Variants in COMMD10 observed in about 807,000 individuals in gnomAD.
COMMD10 encodes COMM domain-containing protein 10.
A neutral mutation model predicts 28.9 loss-of-function variants in COMMD10; 33 were observed. The ratio of observed to expected loss-of-function variants is 1.14; its 90% confidence interval spans 0.87 to 1.53. The LOEUF (loss-of-function observed/expected upper bound fraction) is 1.53, where lower values mean the gene tolerates loss of function less well. Among genes scored for constraint, COMMD10 ranks in the 40% most tolerant of loss-of-function variants. The probability of loss-of-function intolerance (pLI) is 0.00; values close to 1 mark genes in which losing one functional copy is unlikely to be tolerated. For missense variants in COMMD10, 310 were observed against 233.4 expected (o/e 1.33, Z -2.14); for synonymous variants, 110 against 81.7 (o/e 1.35, Z -1.87).
chr5:116,103,572 A>G (rs1400256726), intron 4 of COMMD10, among the ~76,000 whole-genome samples: 1 of 152,064 alleles, frequency 6.6e-6, no homozygotes, highest in Non-Finnish European at 1.5e-5. Context: ...CCTTTGTCAG[A>G]TGGATAGATT....
chr5:116,229,001 AT>A (rs773993666), intron 5 of COMMD10, among the ~76,000 whole-genome samples: 3 of 152,034 alleles, frequency 2.0e-5, no homozygotes, highest in Non-Finnish European at 4.4e-5. Context: ...TAAAATAAAT[AT>A]TTGCCTATAG....
chr5:116,202,664 T>G (rs1316535950), intron 5 of COMMD10, among the ~76,000 whole-genome samples: 24 of 151,978 alleles, frequency 1.6e-4, no homozygotes, highest in African/African-American at 5.1e-4. Flanking sequence ...TCATGTGTCT[T>G]TTGGCTGCAT....
In COMMD10 at chr5:116,292,937, T is replaced by C. The variant is rs188565057; in HGVS notation, c.*448T>C. ...AATAGCCATATACAATCAAATACAC[T>C]ATGGCATTTTTATTTGAATATGATG... On this transcript the variant is annotated 3_prime_UTR_variant, in exon 7 of 7. Transcript: ENST00000274458. 4.5e-5 allele frequency: 18 copies of C among 396,640 alleles called. No individual in the cohort carries two copies. Among genetic ancestry groups the C allele is most frequent in the Middle Eastern group, 6.4e-4 (1 of 1,572 alleles). The allele number at this position is 396,640 out of a possible 1,614,324, so 24.6% of individuals were successfully genotyped here. A position where few individuals can be genotyped will look rare whatever the true frequency, so the allele number is the denominator to read the frequency against.
At chr5:116,291,316 G>A (rs1580366770) in intron 5 of COMMD10, among the ~76,000 whole-genome samples, 1 of 152,176 alleles carries the variant, frequency 6.6e-6, no homozygotes, top group South Asian at 2.1e-4. Flanking sequence ...ACAGATGTCT[G>A]TAGAATTGAA....
At chr5:116,136,042 CCAT>C (rs907342049) in intron 5 of COMMD10, among the ~76,000 whole-genome samples, 3 of 152,136 alleles carry the variant, frequency 2.0e-5, no homozygotes, top group Admixed American at 6.5e-5. Flanking sequence ...CTGGCTACTA[CCAT>C]CATCATCAAT....
At chr5:116,244,515 G>A (rs1034224883) in intron 5 of COMMD10, among the ~76,000 whole-genome samples, 1 of 151,892 alleles carries the variant, frequency 6.6e-6, no homozygotes, top group Non-Finnish European at 1.5e-5. Context: ...GTCATGAGAT[G>A]TTCAAGAGCT....
chr5:116,272,311 A>G (rs1750780967), intron 5 of COMMD10, among the ~76,000 whole-genome samples: 1 of 151,846 alleles, frequency 6.6e-6, no homozygotes, highest in Non-Finnish European at 1.5e-5. Context: ...TGTAAGGGGG[A>G]TGCTTAATGG....
chr5:116,191,487 A>G (rs557837762), intron 5 of COMMD10, among the ~76,000 whole-genome samples: 139 of 151,940 alleles, frequency 9.1e-4, no homozygotes, highest in Admixed American at 1.4e-3. Context: ...TTTGGTTTGC[A>G]TAAGAGCTGG....
intron 5 of COMMD10, among the ~76,000 whole-genome samples, chr5:116,189,543 C>G (rs927454388): frequency 6.6e-6 from 1 of 152,124 alleles, no homozygotes; most frequent in Admixed American, 6.5e-5. Flanking sequence ...TTGTTTCCTA[C>G]TTAACTTAAC....
At chr5:116,159,344 T>G (rs1043223554) in intron 5 of COMMD10, among the ~76,000 whole-genome samples, 1 of 152,226 alleles carries the variant, frequency 6.6e-6, no homozygotes, top group Non-Finnish European at 1.5e-5. Context: ...ATTTGCACTT[T>G]TCATTTCCTC....
intron 5 of COMMD10, among the ~76,000 whole-genome samples, chr5:116,222,924 C>G (rs1013024704): frequency 2.0e-5 from 3 of 152,094 alleles, no homozygotes; most frequent in Non-Finnish European, 4.4e-5. Context: ...AACACCTGAC[C>G]TTGTGATCCA....
At chr5:116,152,948 T>G (rs1216187731) in intron 5 of COMMD10, among the ~76,000 whole-genome samples, 2 of 152,122 alleles carry the variant, frequency 1.3e-5, no homozygotes, top group Non-Finnish European at 2.9e-5. Flanking sequence ...GAGTGGGTAT[T>G]TTGTTTCCAG....
At chr5:116,286,681 G>A (rs943275749) in intron 5 of COMMD10, among the ~76,000 whole-genome samples, 2 of 151,530 alleles carry the variant, frequency 1.3e-5, no homozygotes, top group Non-Finnish European at 2.9e-5. Context: ...AGTTTTCCTT[G>A]TGCTACTGGT....
chr5:116,209,830 AC>A (rs1748913029), intron 5 of COMMD10, among the ~76,000 whole-genome samples: 1 of 152,156 alleles, frequency 6.6e-6, no homozygotes, highest in African/African-American at 2.4e-5. Context: ...CTACTCATTC[AC>A]AAGAATGGTG....
intron 5 of COMMD10, among the ~76,000 whole-genome samples, chr5:116,287,182 C>T (rs1446145241): frequency 6.6e-6 from 1 of 151,576 alleles, no homozygotes; most frequent in African/African-American, 2.4e-5. Context: ...GTTGTTTGTA[C>T]TTTTTCTTAA....
intron 4 of COMMD10, among the ~76,000 whole-genome samples, chr5:116,114,475 T>C (rs1166294834): frequency 6.6e-6 from 1 of 151,572 alleles, no homozygotes; most frequent in Non-Finnish European, 1.5e-5. Flanking sequence ...GAGAGAGTAA[T>C]GGCAGGGTTT....
chr5:116,209,661 G>T (rs1249751383), intron 5 of COMMD10, among the ~76,000 whole-genome samples: 1 of 152,052 alleles, frequency 6.6e-6, no homozygotes, highest in African/African-American at 2.4e-5. Context: ...ATTCAATAGC[G>T]GTTAGTAGCA....
intron 5 of COMMD10, among the ~76,000 whole-genome samples, chr5:116,147,944 TTATTGTCAG>T (rs1198016838): frequency 6.6e-6 from 1 of 151,842 alleles, no homozygotes; most frequent in Non-Finnish European, 1.5e-5. Context: ...ACAACATCTT[TTATTGTCAG>T]TACATGAGCT....
At chr5:116,258,648 T>C (rs1044620523) in intron 5 of COMMD10, among the ~76,000 whole-genome samples, 2 of 151,862 alleles carry the variant, frequency 1.3e-5, no homozygotes, top group East Asian at 1.9e-4. Context: ...TTTTCTGATA[T>C]TGCTAAAAAG....
Sources: allele counts gnomAD v4.1 joint callset (sites outside exome capture counted in the v4.1 genomes callset), GRCh38; gene constraint gnomAD v4.1.1; transcripts MANE v1.5; gene names NCBI Gene and HGNC (gene_info 2026-07-23, HGNC 2026-07-21).